Variants in TRPM3 observed in about 807,000 individuals in gnomAD.
TRPM3 encodes the protein transient receptor potential cation channel subfamily M member 3.
Under a neutral mutation model 181.2 loss-of-function variants are expected in TRPM3, and 77 were observed. The observed-to-expected ratio is 0.42, with a 90% CI of 0.35 to 0.51. The LOEUF is 0.51. TRPM3 is among the 20% of genes least tolerant of loss of function. TRPM3 has a pLI of 0.01. For synonymous variants in TRPM3, 745 were observed against 796.4 expected (o/e 0.94, Z 1.09); for missense variants, 1,759 against 2,196.7 (o/e 0.80, Z 3.98).
chr9:71,112,981 G>C (rs2071474238), intron 1 of TRPM3, among the ~76,000 whole-genome samples: 1 of 152,074 alleles, frequency 6.6e-6, no homozygotes, highest in African/African-American at 2.4e-5. Flanking sequence ...TTTGAGGAGG[G>C]GAAAAACAAG....
intron 1 of TRPM3, among the ~76,000 whole-genome samples, chr9:71,266,048 C>T (rs1279323547): frequency 6.6e-6 from 1 of 152,174 alleles, no homozygotes; most frequent in Non-Finnish European, 1.5e-5. Context: ...GTTCCAACAC[C>T]AGGAGCAGCT....
intron 1 of TRPM3, among the ~76,000 whole-genome samples, chr9:71,327,008 T>C (rs2089736936): frequency 6.6e-6 from 1 of 152,182 alleles, no homozygotes; most frequent in Admixed American, 6.5e-5. Flanking sequence ...CTGCATGGAC[T>C]GATCAACCAT....
At chr9:70,783,107 T>C (rs1408408493) in intron 7 of TRPM3, among the ~76,000 whole-genome samples, 1 of 152,218 alleles carries the variant, frequency 6.6e-6, no homozygotes, top group African/African-American at 2.4e-5. Flanking sequence ...GTAATACTTG[T>C]CTACTTACTA....
chr9:71,172,584 T>G (rs2076921386), intron 1 of TRPM3, among the ~76,000 whole-genome samples: 1 of 152,010 alleles, frequency 6.6e-6, no homozygotes, highest in African/African-American at 2.4e-5. Flanking sequence ...CTTTTTATTT[T>G]TTGTAGAAAC....
intron 1 of TRPM3, among the ~76,000 whole-genome samples, chr9:71,143,157 T>C (rs2075219244): frequency 6.6e-6 from 1 of 151,790 alleles, no homozygotes; most frequent in Admixed American, 6.6e-5. Context: ...AAGAAGTTTT[T>C]TGTTTCCATT....
At chr9:71,299,343 T>C (rs2086572095) in intron 1 of TRPM3, among the ~76,000 whole-genome samples, 1 of 152,184 alleles carries the variant, frequency 6.6e-6, no homozygotes, top group African/African-American at 2.4e-5. Flanking sequence ...CCCAGTGTTG[T>C]GGTAAATGCT....
intron 1 of TRPM3, among the ~76,000 whole-genome samples, chr9:71,337,655 C>T (rs1358779828): frequency 1.3e-5 from 2 of 152,100 alleles, no homozygotes; most frequent in Non-Finnish European, 2.9e-5. Flanking sequence ...CAGCACTGTT[C>T]ACAATAGCAA....
chr9:71,403,307 A>G (rs2093376540), intron 1 of TRPM3, among the ~76,000 whole-genome samples: 1 of 152,224 alleles, frequency 6.6e-6, no homozygotes, highest in African/African-American at 2.4e-5. Flanking sequence ...AGCCTAAAAT[A>G]GTTACCTTCT....
intron 1 of TRPM3, among the ~76,000 whole-genome samples, chr9:71,229,196 T>G (rs1406139964): frequency 6.6e-6 from 1 of 152,060 alleles, no homozygotes; most frequent in Non-Finnish European, 1.5e-5. Context: ...TTGACAAAGG[T>G]GCCAAATGCA....
chr9:71,314,866 A>C (rs2088396582), intron 1 of TRPM3, among the ~76,000 whole-genome samples: 1 of 151,564 alleles, frequency 6.6e-6, no homozygotes, highest in Non-Finnish European at 1.5e-5. Context: ...AGGAAATTAA[A>C]AAAAAAAAAA....
chr9:71,415,488 C>CT (rs1246838755), intron 1 of TRPM3, among the ~76,000 whole-genome samples: 1 of 151,938 alleles, frequency 6.6e-6, no homozygotes, highest in Non-Finnish European at 1.5e-5. Context: ...AAGAGAACAA[C>CT]TTTTTTTCAT....
intron 1 of TRPM3, among the ~76,000 whole-genome samples, chr9:71,225,774 A>G (rs1349527144): frequency 1.3e-5 from 2 of 151,966 alleles, no homozygotes; most frequent in Non-Finnish European, 2.9e-5. Flanking sequence ...CTCCTGCCTC[A>G]GCCTCCCTAG....
chr9:70,865,765 G>A (rs537134011), intron 1 of TRPM3, among the ~76,000 whole-genome samples: 30 of 152,146 alleles, frequency 2.0e-4, no homozygotes, highest in South Asian at 1.0e-3. Context: ...CATTTTACAA[G>A]GAGCAACATG....
intron 22 of TRPM3, among the ~76,000 whole-genome samples, chr9:70,584,765 T>G (rs2056752068): frequency 6.6e-6 from 1 of 152,220 alleles, no homozygotes; most frequent in South Asian, 2.1e-4. Context: ...TTCTTTTCCC[T>G]TCATCTTACA....
At chr9:70,582,820 T>C (rs2132385061) in intron 22 of TRPM3, among the ~76,000 whole-genome samples, 1 of 152,294 alleles carries the variant, frequency 6.6e-6, no homozygotes, top group African/African-American at 2.4e-5. Flanking sequence ...TCTGGGAGTC[T>C]AAGAGATCCC....
At chr9:71,207,486 G>T (rs1023858207) in intron 1 of TRPM3, among the ~76,000 whole-genome samples, 1 of 152,096 alleles carries the variant, frequency 6.6e-6, no homozygotes, top group African/African-American at 2.4e-5. Flanking sequence ...TGAGATCTTT[G>T]ATAGTGTGTC....
At chr9:70,620,482 G>C in intron 15 of TRPM3, 117 bp from the exon 16 acceptor site, 1 of 1,142,714 alleles carries the variant, frequency 8.8e-7, no homozygotes, top group Non-Finnish European at 1.2e-6. Flanking sequence ...AATGAACGAG[G>C]CCAGCTCCTG....
intron 1 of TRPM3, among the ~76,000 whole-genome samples, chr9:71,348,959 G>A (rs1457098929): frequency 1.3e-5 from 2 of 152,194 alleles, no homozygotes; most frequent in South Asian, 2.1e-4. Context: ...CCTGAACAAA[G>A]CTATTGAAGA....
intron 1 of TRPM3, among the ~76,000 whole-genome samples, chr9:71,182,278 T>G (rs1238421448): frequency 1.3e-5 from 2 of 152,136 alleles, no homozygotes; most frequent in Admixed American, 1.3e-4. Context: ...TGACAAATAT[T>G]GTTAATCCAC....
Sources: allele counts gnomAD v4.1 joint callset (sites outside exome capture counted in the v4.1 genomes callset), GRCh38; gene constraint gnomAD v4.1.1; transcripts MANE v1.5; gene names NCBI Gene and HGNC (gene_info 2026-07-23, HGNC 2026-07-21).